The following AUTS2 variants were observed in gnomAD, a reference collection of about 807,000 sequenced individuals.
AUTS2 encodes autism susceptibility gene 2 protein.
Under a neutral mutation model 112.4 loss-of-function variants are expected in AUTS2, and 17 were observed. The ratio of observed to expected loss-of-function variants is 0.15; its 90% CI spans 0.10 to 0.23. The LOEUF is 0.23. Ranked by LOEUF, AUTS2 falls within the 10% of genes least tolerant of loss-of-function variation. The pLI, the probability that AUTS2 is intolerant of heterozygous loss-of-function variation, is 1.00. For missense variants in AUTS2, 1,510 were observed against 1,701.6 expected (o/e 0.89, Z 1.98); for synonymous variants, 751 against 702.7 (o/e 1.07, Z -1.09).
chr7:70,233,325 T>C (rs1812155154), intron 4 of AUTS2, among the ~76,000 whole-genome samples: 1 of 152,022 alleles, frequency 6.6e-6, no homozygotes, highest in Non-Finnish European at 1.5e-5. Flanking sequence ...CTTCACATAG[T>C]ACTTGGAAAT....
At chr7:70,411,155 G>T (rs1185086083) in intron 4 of AUTS2, among the ~76,000 whole-genome samples, 1 of 151,852 alleles carries the variant, frequency 6.6e-6, no homozygotes, top group East Asian at 1.9e-4. Flanking sequence ...ACGAGCCACC[G>T]CACCCAGCCA....
At chr7:70,414,624 G>T (rs960832823) in intron 4 of AUTS2, among the ~76,000 whole-genome samples, 1 of 152,166 alleles carries the variant, frequency 6.6e-6, no homozygotes, top group Non-Finnish European at 1.5e-5. Context: ...AGGTGAGAAA[G>T]AGGATTCTGC....
intron 4 of AUTS2, among the ~76,000 whole-genome samples, chr7:70,306,857 A>G (rs561099523): frequency 1.3e-5 from 2 of 152,372 alleles, no homozygotes; most frequent in African/African-American, 2.4e-5. Flanking sequence ...CATAATTCCA[A>G]GACTGCTGGT....
intron 5 of AUTS2, among the ~76,000 whole-genome samples, chr7:70,568,354 C>T (rs747524961): frequency 2.6e-5 from 4 of 152,152 alleles, no homozygotes; most frequent in African/African-American, 4.8e-5. Context: ...ATAAGGATAA[C>T]GGGAGTACCT....
At chr7:69,921,509 T>G (rs1036432690) in intron 2 of AUTS2, among the ~76,000 whole-genome samples, 1 of 152,074 alleles carries the variant, frequency 6.6e-6, no homozygotes, top group African/African-American at 2.4e-5. Context: ...GGCTCACGCC[T>G]GTAATTCCAG....
chr7:70,262,763 A>G (rs1787231473), intron 4 of AUTS2, among the ~76,000 whole-genome samples: 1 of 152,186 alleles, frequency 6.6e-6, no homozygotes, highest in African/African-American at 2.4e-5. Flanking sequence ...GTATTACAAT[A>G]CCTGTGATGA....
Position 70,781,717 on chromosome 7 carries a change from C to T in AUTS2, c.2107C>T (p.His703Tyr). The T allele has an allele frequency of 6.2e-7, 1 of 1,614,234 alleles. No homozygotes were observed. The highest frequency in any genetic ancestry group is 8.5e-7 in the Non-Finnish European group (1 of 1,180,046). ...TCTTTTTGGAGCCATCCACCACCCCCATGACCTGGCACGGCCTTCAACTTT... is the reference window on the plus strand; with the variant it reads ...TCTTTTTGGAGCCATCCACCACCCCTATGACCTGGCACGGCCTTCAACTTT... ...PSLFGAIHHP[H>Y]DLARPSTLFS... Residue 703 changes from histidine (H) to tyrosine (Y), a missense_variant, in exon 15 of 19, where the codon CAT becomes TAT. By Grantham distance (83) the His-to-Tyr change is moderately conservative (BLOSUM62 2). Around this residue, in one of 3 missense-constraint regions of AUTS2, gnomAD observed 788 missense variants for 797.6 expected, o/e 0.99. Coordinates refer to ENST00000342771, the MANE Select transcript of AUTS2 (RefSeq NM_015570.4).
chr7:69,631,863 G>A (rs904991859), intron 1 of AUTS2, among the ~76,000 whole-genome samples: 5 of 152,146 alleles, frequency 3.3e-5, no homozygotes, highest in African/African-American at 1.2e-4. Context: ...TATGTATAAT[G>A]TTCTTATCCC....
At chr7:69,777,985 G>A (rs1044483816) in intron 1 of AUTS2, among the ~76,000 whole-genome samples, 8 of 152,080 alleles carry the variant, frequency 5.3e-5, no homozygotes, top group South Asian at 2.1e-4. Context: ...TATTAATGAA[G>A]CAGTTACTTC....
At chr7:70,701,140 T>G (rs1439131547) in intron 6 of AUTS2, among the ~76,000 whole-genome samples, 1 of 152,220 alleles carries the variant, frequency 6.6e-6, no homozygotes, top group African/African-American at 2.4e-5. Context: ...GGAGTGTGGC[T>G]TTAAGCTGCT....
rs898775856 is a variant in AUTS2 at position 70,536,671 on chromosome 7, C to T, written c.690+100890C>T. On this transcript the variant is annotated intron_variant, in intron 5 of 18. Coordinates refer to ENST00000342771, the MANE Select transcript of AUTS2 (RefSeq NM_015570.4). ...ATCCCAGGACTTTGGGAGGCTGAGGCGGGCGGATCACCTGAGGTCGGGAGT... is the reference window on the plus strand; with the variant it reads ...ATCCCAGGACTTTGGGAGGCTGAGGTGGGCGGATCACCTGAGGTCGGGAGT... Among the ~76,000 whole-genome samples, 11 of 128,720 alleles carry T rather than the reference C, an allele frequency of 8.5e-5. 1 individual carries two copies. The highest frequency in any genetic ancestry group is 7.7e-4 in the Admixed American group (8 of 10,454). The allele number at this position is 128,720 out of a possible 152,430, so 84.4% of individuals were successfully genotyped here.
chr7:69,655,821 A>C (rs1380410016), intron 1 of AUTS2, among the ~76,000 whole-genome samples: 2 of 152,204 alleles, frequency 1.3e-5, no homozygotes, highest in South Asian at 4.1e-4. Context: ...GGTCCTGGGC[A>C]GTAGCTTGTT....
At chr7:69,883,197 G>A (rs1246257153) in intron 1 of AUTS2, among the ~76,000 whole-genome samples, 1 of 152,084 alleles carries the variant, frequency 6.6e-6, no homozygotes, top group Non-Finnish European at 1.5e-5. Context: ...AGCTTCTATG[G>A]TGGGAAGTAA....
At chr7:70,083,021 C>CT (rs1158942030) in intron 2 of AUTS2, among the ~76,000 whole-genome samples, 8 of 152,250 alleles carry the variant, frequency 5.3e-5, no homozygotes, top group African/African-American at 9.6e-5. Context: ...CCCTGTTGAC[C>CT]TTCCTTCTTC....
At chr7:70,535,035 A>T (rs1047360508) in intron 5 of AUTS2, among the ~76,000 whole-genome samples, 5 of 38,290 alleles carry the variant, frequency 1.3e-4, no homozygotes, top group South Asian at 1.1e-3. Flanking sequence ...TCTATTTCAT[A>T]AAAAAAAAAA....
intron 14 of AUTS2, 101 bp downstream of exon 14, chr7:70,777,275 A>G: frequency 4.8e-6 from 5 of 1,044,956 alleles, no homozygotes; most frequent in Non-Finnish European, 7.4e-6. Flanking sequence ...AACACATTTT[A>G]CAGACCCATA....
chr7:70,661,330 G>C (rs1807059265), intron 5 of AUTS2, among the ~76,000 whole-genome samples: 1 of 152,158 alleles, frequency 6.6e-6, no homozygotes, highest in Non-Finnish European at 1.5e-5. Flanking sequence ...TAGGTTGCAG[G>C]AATGAGGGGA....
intron 4 of AUTS2, among the ~76,000 whole-genome samples, chr7:70,211,667 A>G (rs956454185): frequency 7.0e-6 from 1 of 143,474 alleles, no homozygotes; most frequent in East Asian, 2.1e-4. Context: ...AAAAAGAAAA[A>G]AAGAAAAAAG....
chr7:70,062,173 G>T (rs372633240), intron 2 of AUTS2, among the ~76,000 whole-genome samples: 10 of 151,582 alleles, frequency 6.6e-5, no homozygotes, highest in Non-Finnish European at 1.5e-4. Flanking sequence ...TATTCTTATT[G>T]TTGTTTTTTT....
Sources: allele counts gnomAD v4.1 joint callset (sites outside exome capture counted in the v4.1 genomes callset), GRCh38; gene constraint gnomAD v4.1.1; regional missense constraint gnomAD v4.1.1; transcripts MANE v1.5; gene names NCBI Gene and HGNC (gene_info 2026-07-23, HGNC 2026-07-21).